The following FNDC3A variants were observed in gnomAD, a reference collection of about 807,000 sequenced individuals.
FNDC3A encodes fibronectin type-III domain-containing protein 3A.
A neutral mutation model predicts 148.9 loss-of-function variants in FNDC3A; 32 were observed. That is an observed-to-expected ratio of 0.21 (90% CI 0.16 to 0.29). The LOEUF is 0.29. Among genes scored for constraint, FNDC3A ranks in the 10% least tolerant of loss-of-function variants. The pLI, the probability that FNDC3A is intolerant of heterozygous loss-of-function variation, is 1.00. For synonymous variants in FNDC3A, 472 were observed against 473.6 expected (o/e 1.00, Z 0.04); for missense variants, 1,191 against 1,452.8 (o/e 0.82, Z 2.93).
intron 4 of FNDC3A, among the ~76,000 whole-genome samples, chr13:49,115,577 G>A (rs1315835072): frequency 1.3e-5 from 2 of 152,206 alleles, no homozygotes; most frequent in East Asian, 3.9e-4. Context: ...AGGAGAGAAT[G>A]GAATGAGATT....
At chr13:49,108,987 A>G (rs1165783857) in intron 3 of FNDC3A, among the ~76,000 whole-genome samples, 2 of 152,100 alleles carry the variant, frequency 1.3e-5, no homozygotes, top group African/African-American at 4.8e-5. Flanking sequence ...TTTGTGTGAG[A>G]TGGGGCCTTT....
chr13:49,006,032 C>G (rs1952214324), intron 1 of FNDC3A, 120 bp from the exon 2 acceptor site: 2 of 443,116 alleles, frequency 4.5e-6, no homozygotes, highest in Non-Finnish European at 8.0e-6. Context: ...ACAGAGTATT[C>G]TAGAATTTCC....
intron 7 of FNDC3A, among the ~76,000 whole-genome samples, chr13:49,145,572 T>G (rs1372464691): frequency 6.6e-6 from 1 of 152,196 alleles, no homozygotes. Flanking sequence ...TTGAATGGCC[T>G]GGTTTTTAAA....
At chr13:49,140,935 T>C (rs1882653608) in intron 7 of FNDC3A, among the ~76,000 whole-genome samples, 1 of 152,170 alleles carries the variant, frequency 6.6e-6, no homozygotes, top group Admixed American at 6.5e-5. Context: ...TGGTTGGGCA[T>C]TGAGGACAGG....
intron 13 of FNDC3A, among the ~76,000 whole-genome samples, chr13:49,178,102 A>C (rs1019995242): frequency 5.3e-5 from 8 of 152,224 alleles, no homozygotes; most frequent in Non-Finnish European, 1.2e-4. Flanking sequence ...AGCCATCCCA[A>C]ACCTAAGTGA....
chr13:49,048,733 T>TGGATGAC (rs1449871842), intron 2 of FNDC3A, among the ~76,000 whole-genome samples: 14 of 152,276 alleles, frequency 9.2e-5, no homozygotes, highest in African/African-American at 3.4e-4. Context: ...CATTAGGGTT[T>TGGATGAC]TCTAGGTATA....
chr13:48,979,825 G>T (rs1951666434), intron 1 of FNDC3A, among the ~76,000 whole-genome samples: 2 of 151,970 alleles, frequency 1.3e-5, no homozygotes, highest in South Asian at 4.2e-4. Flanking sequence ...TTGTTTGTTT[G>T]TTAGTTTTTT....
At chr13:49,172,174 AATC>A (rs1466900340) in intron 11 of FNDC3A, 78 bp downstream of exon 11, 7 of 875,128 alleles carry the variant, frequency 8.0e-6, no homozygotes, top group Middle Eastern at 2.6e-4. Context: ...TGTTTGTTTT[AATC>A]ATCAAGTATA....
intron 4 of FNDC3A, among the ~76,000 whole-genome samples, chr13:49,124,945 C>A (rs1881600212): frequency 3.3e-5 from 5 of 152,176 alleles, no homozygotes; most frequent in African/African-American, 1.2e-4. Context: ...CTGAATGGGA[C>A]TCCTGAAAGG....
chr13:49,137,276 C>T (rs1159038583), intron 6 of FNDC3A, among the ~76,000 whole-genome samples: 1 of 152,094 alleles, frequency 6.6e-6, no homozygotes, highest in Non-Finnish European at 1.5e-5. Context: ...CCTAAACTCT[C>T]CTTGTTACTC....
chr13:49,122,161 T>C (rs1343355469), intron 4 of FNDC3A, among the ~76,000 whole-genome samples: 1 of 152,170 alleles, frequency 6.6e-6, no homozygotes. Flanking sequence ...CATAATCAAG[T>C]CTGCTTCATC....
At chr13:49,001,081 A>G (rs1952116170) in intron 1 of FNDC3A, among the ~76,000 whole-genome samples, 1 of 152,080 alleles carries the variant, frequency 6.6e-6, no homozygotes, top group Non-Finnish European at 1.5e-5. Flanking sequence ...TGTTGAGGGA[A>G]GTCAGGGACC....
chr13:49,158,699 T>A (rs1883888062), intron 8 of FNDC3A, among the ~76,000 whole-genome samples: 1 of 152,242 alleles, frequency 6.6e-6, no homozygotes, highest in South Asian at 2.1e-4. Flanking sequence ...TGCCTATGCC[T>A]ATGTCCTGAA....
At chr13:49,081,050 T>C (rs1374928351) in intron 3 of FNDC3A, among the ~76,000 whole-genome samples, 1 of 152,210 alleles carries the variant, frequency 6.6e-6, no homozygotes, top group African/African-American at 2.4e-5. Flanking sequence ...AAACAACAGA[T>C]GTTTCTTGAG....
chr13:49,117,017 A>G (rs1405998606), intron 4 of FNDC3A, among the ~76,000 whole-genome samples: 4 of 152,188 alleles, frequency 2.6e-5, no homozygotes, highest in Non-Finnish European at 2.9e-5. Context: ...GGACTGATTC[A>G]TCAAGGGAGA....
At chr13:49,069,596 C>T (rs1430722183) in intron 2 of FNDC3A, among the ~76,000 whole-genome samples, 1 of 152,206 alleles carries the variant, frequency 6.6e-6, no homozygotes, top group East Asian at 1.9e-4. Context: ...TTAAATTTTA[C>T]ATACTCTAAA....
rs1212202175 is a variant in FNDC3A at position 49,013,630 on chromosome 13, ATGTATACATGTACATG to A, written c.99+7354_99+7369del. ...TGTATACATGTGTACACGTGTATACATGTATACATGTACATGTGTATACATGTATACATGTACATAT... is the reference window on the plus strand; with the variant it reads ...TGTATACATGTGTACACGTGTATACATGTATACATGTATACATGTACATAT... On this transcript the variant is annotated intron_variant, in intron 2 of 25. Transcript: ENST00000492622. Among the ~76,000 whole-genome samples, 9 of 150,272 alleles carry A rather than the reference ATGTATACATGTACATG, an allele frequency of 6.0e-5. No homozygotes were observed. In the East Asian group the frequency reaches 7.9e-4, roughly 13 times the overall value.
rs77259782 is a variant in FNDC3A, at chr13:48,996,008, T to C, written c.-39-10144T>C. ...GGAAAAGTACATTTTAGGATATCAG[T>C]TCATGAGATAAATTAGTATTTTGGA... On this transcript the variant is annotated intron_variant, in intron 1 of 25. Coordinates refer to ENST00000492622, the MANE Select transcript of FNDC3A (RefSeq NM_001079673.2). 4.8e-4 allele frequency among the ~76,000 whole-genome samples: 73 copies of C among 152,308 alleles called. No individual in the cohort carries two copies. The East Asian group carries it at 0.013, about 26-fold the overall frequency.
At position 49,198,189 on chromosome 13, in the gene FNDC3A, G is replaced by A. The variant is rs1456624865; in HGVS notation, c.2698G>A (p.Gly900Arg). The change falls in exon 22 of 26, where the codon GGA becomes AGA. Residue 900 changes from glycine (G) to arginine (R), a missense_variant. Physicochemically the swap from Gly to Arg is moderately radical, Grantham distance 125 (BLOSUM62 -2). Transcript: ENST00000492622. ...AATCCTTGCCTACAGCATAGACTTT[G>A]GAGATAAACAATCCCTAACAGTGGG... ...SEILAYSIDF[G>R]DKQSLTVGKV... is the part of the protein sequence containing the mutation. 1.9e-6 allele frequency: 3 copies of A among 1,614,058 alleles called. No individual in the cohort carries two copies. The highest frequency in any genetic ancestry group is 1.7e-5 in the Admixed American group (1 of 60,016).
Sources: gnomAD v4.1 joint callset for allele counts (sites outside exome capture counted in the v4.1 genomes callset) on GRCh38, gnomAD v4.1.1 for gene constraint, MANE v1.5 for transcripts, NCBI Gene and HGNC (gene_info 2026-07-23, HGNC 2026-07-21) for gene names.